The following MYH15 variants were observed in gnomAD, a reference collection of about 807,000 sequenced individuals.
MYH15 encodes myosin-15.
Under a neutral mutation model 240.5 loss-of-function variants are expected in MYH15, and 227 were observed. The observed-to-expected ratio is 0.94, with a 90% CI of 0.85 to 1.05. The LOEUF (loss-of-function observed/expected upper bound fraction) is 1.05, where lower values mean the gene tolerates loss of function less well. Ranked by LOEUF, MYH15 falls within the 50% of genes least tolerant of loss-of-function variation. The probability of loss-of-function intolerance (pLI) is 0.00; values close to 1 mark genes in which losing one functional copy is unlikely to be tolerated. For missense variants in MYH15, 2,217 were observed against 2,247.5 expected (o/e 0.99, Z 0.27); for synonymous variants, 785 against 796.7 (o/e 0.99, Z 0.25).
At position 108,437,550 on chromosome 3, in the gene MYH15, T is replaced by C; in HGVS notation, c.3221+4A>G. On this transcript the variant is annotated splice_donor_region_variant and intron_variant, in intron 25 of 40. Coordinates refer to ENST00000693548, the MANE Select transcript of MYH15 (RefSeq NM_014981.3). Reference sequence around the variant, plus strand: ...AATCTCATGTCAACAGAAAGGTGGCTTACTTCCTCAGCTCTTCTGCCAGGT... The same window carrying C: ...AATCTCATGTCAACAGAAAGGTGGCCTACTTCCTCAGCTCTTCTGCCAGGT... The C allele has an allele frequency of 6.2e-7, 1 of 1,611,156 alleles. No homozygotes were observed. Among genetic ancestry groups the C allele is most frequent in the Non-Finnish European group, 8.5e-7 (1 of 1,179,022 alleles).
Position 108,399,130 on chromosome 3 carries a change from T to G in MYH15, c.4874A>C (p.Asn1625Thr). 2 of 1,614,198 alleles carry G rather than the reference T, an allele frequency of 1.2e-6. No homozygotes were observed. The highest frequency in any genetic ancestry group is 2.7e-5 in the African/African-American group (2 of 75,062). ...TTTGGTTGCTTCTGACACCTGCCGG[T>G]TGGCACAGCTAAGCTGGAGTTCCAT... ...NEMELQLSCA[N>T]RQVSEATKSL... The change falls in exon 34 of 41, where the codon AAC (asparagine) becomes ACC (threonine). Residue 1625 changes from asparagine (N) to threonine (T), a missense_variant. Transcript: ENST00000693548.
intron 28 of MYH15, among the ~76,000 whole-genome samples, chr3:108,417,766 C>T (rs2082645429): frequency 1.3e-5 from 2 of 149,804 alleles, no homozygotes; most frequent in Admixed American, 1.4e-4. Flanking sequence ...GTCAGATACA[C>T]ACACACACGT....
At chr3:108,412,866 T>C (rs979797947) in intron 30 of MYH15, among the ~76,000 whole-genome samples, 4 of 152,198 alleles carry the variant, frequency 2.6e-5, no homozygotes, top group African/African-American at 9.7e-5. Context: ...CTAGATTGTT[T>C]TGTAGCTGCC....
chr3:108,545,690 CACAT>C, the MYH15 span, among the ~76,000 whole-genome samples: 1 of 138,036 alleles, frequency 7.2e-6, no homozygotes, highest in African/African-American at 2.6e-5. Context: ...TTCTAATATA[CACAT>C]ACACACACAC....
chr3:108,386,970 T>G (rs2082388188), intron 38 of MYH15, among the ~76,000 whole-genome samples: 1 of 152,132 alleles, frequency 6.6e-6, no homozygotes, highest in South Asian at 2.1e-4. Flanking sequence ...TCTTATGTTC[T>G]GCTTTATAGC....
rs1329377206 is a variant in MYH15, at chr3:108,470,028, A to C, written c.1554+14T>G. On this transcript the variant is annotated intron_variant, in intron 14 of 40. Coordinates refer to ENST00000693548, the MANE Select transcript of MYH15 (RefSeq NM_014981.3). ...CCCGAAATGAAAATGGACAAAGAGA[A>C]AAACATATATTACCTTCTCAATGAG... is the stretch of plus-strand genomic sequence containing the variant. The C allele has an allele frequency of 6.3e-7, 1 of 1,587,786 alleles. No individual in the cohort carries two copies. The highest frequency in any genetic ancestry group is 1.9e-5 in the Admixed American group (1 of 52,726).
chr3:108,383,745 A>AAT lies in MYH15; in HGVS notation c.5632-17_5632-16insAT, dbSNP rs1553761701. ...CTTGTGTTTCCTATAAAAATAAAAA[A>AAT]AAAAAAAAAGAAATCTCCATGCCTA... On this transcript the variant is annotated splice_polypyrimidine_tract_variant and intron_variant, in intron 39 of 40. Coordinates refer to ENST00000693548, the MANE Select transcript of MYH15 (RefSeq NM_014981.3). 2.0e-6 allele frequency: 3 copies of AAT among 1,534,098 alleles called. No individual in the cohort carries two copies. Among genetic ancestry groups the AAT allele is most frequent in the Middle Eastern group, 3.7e-4 (2 of 5,348 alleles).
intron 22 of MYH15, among the ~76,000 whole-genome samples, chr3:108,442,714 T>C (rs1012758545): frequency 6.6e-6 from 1 of 151,874 alleles, no homozygotes; most frequent in African/African-American, 2.4e-5. Context: ...TTAATTGAAA[T>C]GGGGTCACTC....
At position 108,428,757 on chromosome 3, in the gene MYH15, C is replaced by T. The variant is rs765247899; in HGVS notation, c.3437G>A (p.Gly1146Glu). The T allele has an allele frequency of 1.9e-6, 3 of 1,613,892 alleles. No individual in the cohort carries two copies. The highest frequency in any genetic ancestry group is 2.5e-6 in the Non-Finnish European group (3 of 1,180,012). The change falls in exon 27 of 41, where the codon GGA becomes GAA. Residue 1146 changes from glycine to glutamate, a missense_variant. Transcript: ENST00000693548. ...TTCCAGCTGAGCCAAACTGGATCCTCCTACCTCCTCCAGCCTCTCATTCAA... is the reference window on the plus strand; with the variant it reads ...TTCCAGCTGAGCCAAACTGGATCCTTCTACCTCCTCCAGCCTCTCATTCAA... ...ADLNERLEEV[G>E]GSSLAQLEIT...
At chr3:108,518,449 C>T (rs948440920) in intron 1 of MYH15, among the ~76,000 whole-genome samples, 6 of 152,130 alleles carry the variant, frequency 3.9e-5, no homozygotes, top group Admixed American at 1.3e-4. Context: ...CTCAGTCTCC[C>T]GACAGCAGCC....
chr3:108,404,785 G>A (rs1320920087), intron 33 of MYH15: 1 of 152,172 alleles, frequency 6.6e-6, no homozygotes, highest in Non-Finnish European at 1.5e-5. Flanking sequence ...GGGGGTATGT[G>A]AAAACTTCAC....
the MYH15 span, among the ~76,000 whole-genome samples, chr3:108,535,399 G>C: frequency 2.6e-5 from 4 of 151,308 alleles, no homozygotes; most frequent in Admixed American, 6.6e-5. Context: ...CTCATGTGGT[G>C]GGGGGGCATA....
At chr3:108,399,486 T>C (rs1252212723) in intron 33 of MYH15, among the ~76,000 whole-genome samples, 6 of 152,134 alleles carry the variant, frequency 3.9e-5, no homozygotes. Context: ...CTACGTAGGG[T>C]TTCCAGACCA....
chr3:108,527,824 A>T (rs987439378), intron 1 of MYH15, among the ~76,000 whole-genome samples: 34 of 152,204 alleles, frequency 2.2e-4, no homozygotes, highest in African/African-American at 8.0e-4. Flanking sequence ...TAGTTTTCTC[A>T]TCTATAATAT....
chr3:108,549,861 C>T, the MYH15 span: 2 of 151,934 alleles, frequency 1.3e-5, no homozygotes, highest in Non-Finnish European at 2.9e-5. Flanking sequence ...AACGTTTTGT[C>T]TCTTTTATTT....
chr3:108,490,395 A>C (rs1434535922), intron 9 of MYH15, among the ~76,000 whole-genome samples: 1 of 152,236 alleles, frequency 6.6e-6, no homozygotes, highest in Non-Finnish European at 1.5e-5. Context: ...ATCTTACCCT[A>C]TGTCCACTTC....
At chr3:108,529,927 G>A (rs999103350), upstream of MYH15, among the ~76,000 whole-genome samples, 3 of 152,202 alleles carry the variant, frequency 2.0e-5, no homozygotes, top group Non-Finnish European at 2.9e-5. Flanking sequence ...GAGCTGCTCA[G>A]AGAGAGCTCT....
chr3:108,439,969 C>A lies in MYH15; in HGVS notation c.2899-56G>T, dbSNP rs1194684237. On this transcript the variant is annotated intron_variant, in intron 23 of 40. Coordinates refer to ENST00000693548, the MANE Select transcript of MYH15 (RefSeq NM_014981.3). ...GCCACTGCTGGAAAGTTGGGCATAACACTGAGGGTCATTTCTCTTCTGTCG... is the reference window on the plus strand; with the variant it reads ...GCCACTGCTGGAAAGTTGGGCATAAAACTGAGGGTCATTTCTCTTCTGTCG... The A allele has an allele frequency of 7.1e-6, 10 of 1,416,788 alleles. No homozygotes were observed. In the East Asian group the frequency reaches 2.4e-4, roughly 34 times the overall value. The allele number at this position is 1,416,788 out of a possible 1,614,324, so 87.8% of individuals were successfully genotyped here.
At chr3:108,463,623 T>C (rs1315631334) in intron 15 of MYH15, among the ~76,000 whole-genome samples, 6 of 152,146 alleles carry the variant, frequency 3.9e-5, no homozygotes, top group Non-Finnish European at 7.4e-5. Flanking sequence ...GGAGCCACCA[T>C]GCCCAGCCTT....
Sources: gnomAD v4.1 joint callset for allele counts (sites outside exome capture counted in the v4.1 genomes callset) on GRCh38, gnomAD v4.1.1 for gene constraint, MANE v1.5 for transcripts, NCBI Gene and HGNC (gene_info 2026-07-23, HGNC 2026-07-21) for gene names.